DGLUCY: variants seen among roughly 807,000 people sequenced by gnomAD.
DGLUCY encodes the protein D-glutamate cyclase, also known as D-glutamate cyclase, mitochondrial.
A neutral mutation model predicts 58.5 loss-of-function variants in DGLUCY; 58 were observed. That is an observed-to-expected ratio of 0.99 (90% CI 0.80 to 1.23). DGLUCY has a LOEUF of 1.23. Among genes scored for constraint, DGLUCY ranks in the 50% most tolerant of loss-of-function variants. The pLI, the probability that DGLUCY is intolerant of heterozygous loss-of-function variation, is 0.00. For missense variants in DGLUCY, 779 were observed against 784.7 expected (o/e 0.99, Z 0.09); for synonymous variants, 325 against 314.1 (o/e 1.03, Z -0.37).
chr14:91,207,563 T>C (rs1219156526), intron 12 of DGLUCY, among the ~76,000 whole-genome samples: 1 of 152,108 alleles, frequency 6.6e-6, no homozygotes, highest in East Asian at 1.9e-4. Flanking sequence ...GCCAAAAAGC[T>C]ACATCTAGAC....
chr14:91,125,407 T>A (rs888065504), intron 1 of DGLUCY: 3 of 152,176 alleles, frequency 2.0e-5, no homozygotes, highest in Admixed American at 6.6e-5. Flanking sequence ...GAGATAGATC[T>A]GTGTTTAGGT....
chr14:91,101,958 G>A (rs971403188), intron 1 of DGLUCY, among the ~76,000 whole-genome samples: 27 of 152,120 alleles, frequency 1.8e-4, no homozygotes, highest in African/African-American at 6.0e-4. Flanking sequence ...CTCCCAAAGT[G>A]TTGAAATTAG....
chr14:91,195,668 T>TG (rs1217869447), intron 9 of DGLUCY, among the ~76,000 whole-genome samples: 1 of 144,008 alleles, frequency 6.9e-6, no homozygotes, highest in African/African-American at 2.6e-5. Flanking sequence ...TTTTTGGGTT[T>TG]TGTTTTTTTT....
intron 1 of DGLUCY, chr14:91,145,159 G>A (rs2046945909): frequency 6.6e-6 from 1 of 152,152 alleles, no homozygotes; most frequent in South Asian, 2.1e-4. Flanking sequence ...CACTAGGCTG[G>A]AGGCTTCTCC....
At chr14:91,150,646 G>T (rs781560446) in intron 1 of DGLUCY, among the ~76,000 whole-genome samples, 1 of 151,852 alleles carries the variant, frequency 6.6e-6, no homozygotes, top group South Asian at 2.1e-4. Context: ...TGGGGGTCTC[G>T]CACTCCTGGA....
At chr14:91,190,073 C>T (rs369247128) in intron 9 of DGLUCY, among the ~76,000 whole-genome samples, 5 of 149,558 alleles carry the variant, frequency 3.3e-5, no homozygotes, top group Admixed American at 6.7e-5. Context: ...CTGCAAGCTC[C>T]GCCTCCCGGG....
At chr14:91,074,020 T>C (rs1247019689) in intron 1 of DGLUCY, among the ~76,000 whole-genome samples, 1 of 147,796 alleles carries the variant, frequency 6.8e-6, no homozygotes, top group Non-Finnish European at 1.5e-5. Flanking sequence ...CCTTGGGAAG[T>C]AGAGGTGGGC....
intron 1 of DGLUCY, among the ~76,000 whole-genome samples, chr14:91,102,737 GTGTGTA>G (rs1250109098): frequency 1.5e-4 from 14 of 94,330 alleles, no homozygotes; most frequent in South Asian, 3.7e-4. Context: ...ACCCCTTCCA[GTGTGTA>G]TGTGTGTGTG....
chr14:91,089,509 G>A (rs943374401), intron 1 of DGLUCY, among the ~76,000 whole-genome samples: 10 of 152,090 alleles, frequency 6.6e-5, no homozygotes, highest in Non-Finnish European at 1.0e-4. Context: ...ATTTATTGTC[G>A]AAACTAAGAC....
Position 91,181,304 on chromosome 14 carries a change from C to G in DGLUCY, c.849C>G (p.Ser283=). 6.2e-7 allele frequency: 1 copy of G among 1,614,174 alleles called. No individual in the cohort carries two copies. Among genetic ancestry groups the G allele is most frequent in the Non-Finnish European group, 8.5e-7 (1 of 1,180,040 alleles). The stretch of plus-strand genomic sequence containing the variant: ...GAATTCCAGAGGTCCATCACATTTC[C>G]CAAGATCCTCTGCACTACAGCATCG... The part of the protein sequence containing the change: ...PERIPEVHHI[S]QDPLHYSIAS... Residue 283 remains serine (S), a synonymous_variant, in exon 8 of 14, where the codon TCC becomes TCG. Transcript: ENST00000256324.
In DGLUCY at chr14:91,060,372, T is replaced by G. The variant is rs199916387; in HGVS notation, c.-414T>G. The G allele has an allele frequency of 2.1e-4, 312 of 1,506,074 alleles. No individual in the cohort carries two copies. The African/African-American group carries it at 3.9e-3, about 19-fold the overall frequency. 93.3% of individuals were successfully genotyped at this position (1,506,074 alleles called of 1,614,324 possible). ...GCTTGACAGTGAGGAGCTGCTCTCC[T>G]CCGTCGCCGCCGTCCGCGCTGGTCC... On this transcript the variant is annotated 5_prime_UTR_variant, in exon 1 of 5. Coordinates refer to the DGLUCY transcript ENST00000521334.
At chr14:91,133,753 C>T (rs1330234724) in intron 1 of DGLUCY, among the ~76,000 whole-genome samples, 1 of 152,194 alleles carries the variant, frequency 6.6e-6, no homozygotes, top group East Asian at 1.9e-4. Flanking sequence ...TTTACCATCA[C>T]ACCAGCAATG....
At chr14:91,223,448 GGAA>G (rs1887798583) in intron 13 of DGLUCY, among the ~76,000 whole-genome samples, 1 of 152,158 alleles carries the variant, frequency 6.6e-6, no homozygotes, top group Non-Finnish European at 1.5e-5. Flanking sequence ...TTGTGGAGGA[GGAA>G]GAAGACAGGG....
intron 1 of DGLUCY, among the ~76,000 whole-genome samples, chr14:91,097,236 A>G (rs1161583644): frequency 6.6e-6 from 1 of 152,016 alleles, no homozygotes; most frequent in Non-Finnish European, 1.5e-5. Flanking sequence ...GTCTATACCG[A>G]AAAAATACAA....
Position 91,175,984 on chromosome 14 carries a change from G to A in DGLUCY, c.658G>A (p.Val220Met), listed in dbSNP as rs1176314629. ...CAAACCTGCCTACGGGGATGCCATGGTGTGTCCCCCAGGGGAGGTTCCAGT... is the reference window on the plus strand; with the variant it reads ...CAAACCTGCCTACGGGGATGCCATGATGTGTCCCCCAGGGGAGGTTCCAGT... The part of the protein sequence containing the change: ...LSKPAYGDAM[V>M]CPPGEVPVFW... Residue 220 changes from valine (V) to methionine (M), a missense_variant, in exon 7 of 14, where the codon GTG becomes ATG. Val to Met is a conservative substitution (Grantham distance 21, BLOSUM62 1). Coordinates refer to ENST00000256324, the MANE Select transcript of DGLUCY (RefSeq NM_001102368.3). 6.2e-7 allele frequency: 1 copy of A among 1,614,104 alleles called. No homozygotes were observed. The highest frequency in any genetic ancestry group is 1.3e-5 in the African/African-American group (1 of 75,044).
At chr14:91,220,884 G>A (rs1237614152) in intron 13 of DGLUCY, 4 of 350,918 alleles carry the variant, frequency 1.1e-5, no homozygotes, top group East Asian at 1.5e-4. Flanking sequence ...CCCTGGGAGT[G>A]GGCAAGCCAA....
intron 1 of DGLUCY, among the ~76,000 whole-genome samples, chr14:91,097,382 C>T (rs554503760): frequency 4.6e-5 from 7 of 151,706 alleles, no homozygotes; most frequent in Admixed American, 6.6e-5. Context: ...GGTGACAGAG[C>T]GAGACACTGT....
At chr14:91,201,465 A>C (rs113506752) in intron 11 of DGLUCY, among the ~76,000 whole-genome samples, 2,901 of 151,968 alleles carry the variant, frequency 0.019, 90 homozygotes, top group African/African-American at 0.066. Flanking sequence ...CGCCCAGCTA[A>C]TTTTTGTATT....
At chr14:91,096,734 T>C (rs2044401842) in intron 1 of DGLUCY, among the ~76,000 whole-genome samples, 1 of 152,078 alleles carries the variant, frequency 6.6e-6, no homozygotes, top group Non-Finnish European at 1.5e-5. Context: ...GGTTTCAGCG[T>C]GTACATTCAG....
Sources: gnomAD v4.1 joint callset for allele counts (sites outside exome capture counted in the v4.1 genomes callset) on GRCh38, gnomAD v4.1.1 for gene constraint, MANE v1.5 for transcripts, NCBI Gene and HGNC (gene_info 2026-07-23, HGNC 2026-07-21) for gene names.